Variants in COL5A3 observed in about 807,000 individuals in gnomAD.
The protein encoded by COL5A3 is collagen alpha-3(V) chain.
In COL5A3, 172 loss-of-function variants were observed where a neutral mutation model predicts 250.0. That is an observed-to-expected ratio of 0.69 (90% CI 0.61 to 0.78). COL5A3 has a LOEUF of 0.78. COL5A3 is among the 30% of genes least tolerant of loss of function. The pLI is 0.00. For synonymous variants in COL5A3, 937 were observed against 900.4 expected (o/e 1.04, Z -0.73); for missense variants, 2,340 against 2,334.4 (o/e 1.00, Z -0.05).
chr19:9,974,921 G>T (rs977557519), intron 45 of COL5A3, among the ~76,000 whole-genome samples: 2 of 152,102 alleles, frequency 1.3e-5, no homozygotes, highest in South Asian at 4.1e-4. Context: ...GTTTTGAGAA[G>T]GAGTCTCACT....
At chr19:9,986,902 C>G in intron 27 of COL5A3, 144 bp from the exon 28 acceptor site, 1 of 902,054 alleles carries the variant, frequency 1.1e-6, no homozygotes, top group East Asian at 2.5e-5. Context: ...AAGAAATGAT[C>G]TTTCCCCAGA....
Position 10,009,506 on chromosome 19 carries a change from C to A in COL5A3, c.88+792G>T, listed in dbSNP as rs1166637987. 1.3e-5 allele frequency among the ~76,000 whole-genome samples: 2 copies of A among 151,968 alleles called. No homozygotes were observed. The highest frequency in any genetic ancestry group is 4.2e-4 in the South Asian group (2 of 4,814). ...GCTGGGGTGGGGAGGGGGGGAGCAACTTCCACTCCTGCCCCGCCCTGCGCC... is the reference window on the plus strand; with the variant it reads ...GCTGGGGTGGGGAGGGGGGGAGCAAATTCCACTCCTGCCCCGCCCTGCGCC... On this transcript the variant is annotated intron_variant, in intron 1 of 66. Transcript: ENST00000264828. The surrounding 1 kb of genome is among the most constrained non-coding windows in gnomAD (Gnocchi z 4.4).
At chr19:9,995,665 G>T in intron 15 of COL5A3, 48 bp from the exon 16 acceptor site, 2 of 1,418,546 alleles carry the variant, frequency 1.4e-6, no homozygotes, top group South Asian at 2.5e-5. Context: ...AGAAGAAAGA[G>T]GGACTTATTC....
rs1331468123 is a variant in COL5A3 at position 9,960,008 on chromosome 19, C to CTGGGGAGGGGTAGCACCAAAAGG, written c.*380_*402dup. On this transcript the variant is annotated 3_prime_UTR_variant, in exon 67 of 67. Coordinates refer to ENST00000264828, the MANE Select transcript of COL5A3 (RefSeq NM_015719.4). ...ATCAGGAGACATCCAGTGCTTAACT[C>CTGGGGAGGGGTAGCACCAAAAGG]TGGGGAGGGGTAGCACCAAAAGGTG... 3 of 221,910 alleles carry CTGGGGAGGGGTAGCACCAAAAGG rather than the reference C, an allele frequency of 1.4e-5. No individual in the cohort carries two copies. The highest frequency in any genetic ancestry group is 2.7e-5 in the Non-Finnish European group (3 of 110,396). 13.7% of individuals were successfully genotyped at this position (221,910 alleles called of 1,614,324 possible).
chr19:9,971,189 A>G lies in COL5A3; in HGVS notation c.3828+16T>C, dbSNP rs772095232. On this transcript the variant is annotated intron_variant, in intron 52 of 66. Coordinates refer to ENST00000264828, the MANE Select transcript of COL5A3 (RefSeq NM_015719.4). Reference sequence around the variant, plus strand: ...ATTAGGAAATATGCCAGGATTGGGGAGGGGGTCACACTCACTGAAACTCCA... The same window carrying G: ...ATTAGGAAATATGCCAGGATTGGGGGGGGGGTCACACTCACTGAAACTCCA... 6.5e-7 allele frequency: 1 copy of G among 1,548,726 alleles called. No individual in the cohort carries two copies. The highest frequency in any genetic ancestry group is 1.4e-5 in the African/African-American group (1 of 70,664).
At chr19:9,983,943 G>A (rs562722357) in intron 31 of COL5A3, among the ~76,000 whole-genome samples, 140 of 150,854 alleles carry the variant, frequency 9.3e-4, no homozygotes, top group Non-Finnish European at 1.5e-3. Flanking sequence ...CAAATCCAAC[G>A]TAGGCAAGAT....
chr19:9,983,729 A>C (rs2087054230), intron 31 of COL5A3, among the ~76,000 whole-genome samples: 1 of 150,816 alleles, frequency 6.6e-6, no homozygotes, highest in South Asian at 2.1e-4. Context: ...GAAAAGAAAA[A>C]AGAGGGGGAC....
rs111362937 is a variant in COL5A3, at chr19:9,987,582, C to CA, written c.2146-825dup. Among the ~76,000 whole-genome samples the CA allele has an allele frequency of 4.5e-4, 67 of 147,766 alleles. 1 individual carries two copies. The highest frequency in any genetic ancestry group is 1.4e-3 in the Admixed American group (20 of 14,774). On this transcript the variant is annotated intron_variant, in intron 27 of 66. Transcript: ENST00000264828. ...GAAAACCTCATCTATACAAAAAGTA[C>CA]AAAAAAAAAAGAAAAAAGGTAGCCG...
At chr19:9,991,557 G>C in intron 24 of COL5A3, 53 bp downstream of exon 24, 1 of 1,471,030 alleles carries the variant, frequency 6.8e-7, no homozygotes, top group Admixed American at 2.2e-5. Context: ...CCTGGCAACA[G>C]AGTTGAAGGA....
Position 10,009,338 on chromosome 19 carries a change from G to A in COL5A3, c.88+960C>T, listed in dbSNP as rs1599235669. On this transcript the variant is annotated intron_variant, in intron 1 of 66. Coordinates refer to ENST00000264828, the MANE Select transcript of COL5A3 (RefSeq NM_015719.4). The surrounding 1 kb of genome is among the most constrained non-coding windows in gnomAD (Gnocchi z 4.4). ...TGACTCCCGAAGCGCCCCCCACTCT[G>A]AACCCTGAGGGGCGGGACAGGGCGC... Among the ~76,000 whole-genome samples, 1 of 152,030 alleles carries A rather than the reference G, an allele frequency of 6.6e-6. No homozygotes were observed. The highest frequency in any genetic ancestry group is 1.9e-4 in the East Asian group (1 of 5,176).
intron 65 of COL5A3, among the ~76,000 whole-genome samples, chr19:9,962,079 A>G (rs560399872): frequency 1.3e-5 from 2 of 152,106 alleles, no homozygotes; most frequent in Admixed American, 6.5e-5. Context: ...TGAAGAGCTA[A>G]TCTGAAAAAA....
Position 9,962,811 on chromosome 19 carries a change from T to G in COL5A3, c.4851+8A>C, listed in dbSNP as rs1288898392. 1 of 1,607,190 alleles carries G rather than the reference T, an allele frequency of 6.2e-7. No homozygotes were observed. Among genetic ancestry groups the G allele is most frequent in the Admixed American group, 1.7e-5 (1 of 59,324 alleles). ...ATGTCACTCCCCATCTCGGCCTCGGTGACTCACCTTCTTCCCTCGACGGAA... is the reference window on the plus strand; with the variant it reads ...ATGTCACTCCCCATCTCGGCCTCGGGGACTCACCTTCTTCCCTCGACGGAA... On this transcript the variant is annotated splice_region_variant and intron_variant, in intron 65 of 66. Transcript: ENST00000264828.
rs1414174835 is a variant in COL5A3, at chr19:10,010,495, G to A, written c.-110C>T. Reference sequence around the variant, plus strand: ...GCGGCGGCCGCTCCTCTCAGGGTCCGCGGGAAACTGCCCGAGACCCCGCCC... The same window carrying A: ...GCGGCGGCCGCTCCTCTCAGGGTCCACGGGAAACTGCCCGAGACCCCGCCC... On this transcript the variant is annotated 5_prime_UTR_variant, in exon 1 of 67. Transcript: ENST00000264828. 6.1e-6 allele frequency: 4 copies of A among 653,868 alleles called. No homozygotes were observed. The highest frequency in any genetic ancestry group is 9.0e-6 in the Non-Finnish European group (4 of 445,352). 40.5% of individuals were successfully genotyped at this position (653,868 alleles called of 1,614,324 possible).
In COL5A3 at chr19:9,974,201, C is replaced by T; in HGVS notation, c.3474G>A (p.Glu1158=). The change falls in exon 47 of 67, where the codon GAG becomes GAA. Residue 1158 remains glutamate, a synonymous_variant. Coordinates refer to ENST00000264828, the MANE Select transcript of COL5A3 (RefSeq NM_015719.4). The stretch of plus-strand genomic sequence containing the variant: ...ACCCGACGTCTCCGACCTCCCCTTT[C>T]TCTCCCGGAGGGCCTGGCAGCCCCT... ...GLQGLPGPPG[E]KGEVGDVGSM... is the part of the protein sequence containing the mutation. 6.2e-7 allele frequency: 1 copy of T among 1,613,996 alleles called. No individual in the cohort carries two copies. Among genetic ancestry groups the T allele is most frequent in the South Asian group, 1.1e-5 (1 of 91,020 alleles).
Position 9,985,229 on chromosome 19 carries a change from G to A in COL5A3, c.2406+613C>T, listed in dbSNP as rs1320514796. 5.3e-5 allele frequency among the ~76,000 whole-genome samples: 7 copies of A among 131,830 alleles called. No homozygotes were observed. The East Asian group carries it at 1.7e-3, about 32-fold the overall frequency. The allele number at this position is 131,830 out of a possible 152,430, so 86.5% of individuals were successfully genotyped here. The stretch of plus-strand genomic sequence containing the variant: ...GCCTCCCAAAGCGTTGGGATTACAG[G>A]TGTGAGCCACTGCCCCCGGCCACAT... On this transcript the variant is annotated intron_variant, in intron 31 of 66. Coordinates refer to ENST00000264828, the MANE Select transcript of COL5A3 (RefSeq NM_015719.4).
In COL5A3 at chr19:9,974,346, G is replaced by A. The variant is rs149852232; in HGVS notation, c.3405C>T (p.Asp1135=). ...PPGLFGQKGD[D]GVRGFVGVIG... ...TCACCCCCACAAAGCCTCTGACTCC[G>A]TCATCTCCTTTCTGCCCAAAGAGGC... The change falls in exon 46 of 67, where the codon GAC becomes GAT. Residue 1135 remains aspartate (D), a synonymous_variant. Transcript: ENST00000264828. 1.0e-4 allele frequency: 166 copies of A among 1,612,522 alleles called. No individual in the cohort carries two copies. The East Asian group carries it at 1.1e-3, about 11-fold the overall frequency.
intron 11 of COL5A3, 58 bp downstream of exon 11, chr19:9,997,313 C>T (rs1357757271): frequency 1.5e-6 from 2 of 1,339,442 alleles, no homozygotes; most frequent in Non-Finnish European, 2.1e-6. Flanking sequence ...GACTGTCACG[C>T]TCCCAGCCCC....
At chr19:9,987,593 GA>G (rs1264783629) in intron 27 of COL5A3, among the ~76,000 whole-genome samples, 1 of 150,616 alleles carries the variant, frequency 6.6e-6, no homozygotes, top group African/African-American at 2.5e-5. Context: ...AAAAAAAAAA[GA>G]AAAAAGGTAG....
chr19:10,003,159 G>T lies in COL5A3; in HGVS notation c.849+406C>A, dbSNP rs556144747. On this transcript the variant is annotated intron_variant, in intron 6 of 66. Transcript: ENST00000264828. ...ACTGTCCCCAGTGACCCCAAGCAGG[G>T]AACCCCAAACAATGACACACTAACT... is the stretch of plus-strand genomic sequence containing the variant. Among the ~76,000 whole-genome samples the T allele has an allele frequency of 3.3e-5, 5 of 152,158 alleles. No individual in the cohort carries two copies. In the South Asian group the frequency reaches 6.2e-4, roughly 19 times the overall value.
Sources: allele counts gnomAD v4.1 joint callset (sites outside exome capture counted in the v4.1 genomes callset), GRCh38; gene constraint gnomAD v4.1.1; non-coding constraint Gnocchi (gnomAD v3.1); transcripts MANE v1.5; gene names NCBI Gene and HGNC (gene_info 2026-07-23, HGNC 2026-07-21).